Variants in ARL8B observed in about 807,000 individuals in gnomAD.
ARL8B encodes ADP-ribosylation factor-like protein 8B.
Under a neutral mutation model 30.6 loss-of-function variants are expected in ARL8B, and 9 were observed. That is an observed-to-expected ratio of 0.29 (90% confidence interval 0.18 to 0.51). The LOEUF is 0.51. Among genes scored for constraint, ARL8B ranks in the 20% least tolerant of loss-of-function variants. The pLI, the probability that ARL8B is intolerant of heterozygous loss-of-function variation, is 0.97. For synonymous variants in ARL8B, 74 were observed against 76.0 expected, an observed-to-expected ratio of 0.97 and a Z score of 0.14; for missense variants, 130 against 227.2, an observed-to-expected ratio of 0.57 and a Z score of 2.75.
At chr3:5,172,323 C>A in intron 3 of ARL8B, 100 bp downstream of exon 3, 2 of 1,039,120 alleles carry the variant, frequency 1.9e-6, no homozygotes, top group Non-Finnish European at 2.9e-6. Flanking sequence ...TTATCTCAGG[C>A]AGTGAAAATC....
In ARL8B at chr3:5,170,738, G is replaced by GTT. The variant is rs373043551; in HGVS notation, c.204+164_204+165dup. 1.5e-3 allele frequency: 743 copies of GTT among 492,500 alleles called. 1 individual carries two copies. The highest frequency in any genetic ancestry group is 2.0e-3 in the Non-Finnish European group (559 of 286,248). 30.5% of individuals were successfully genotyped at this position (492,500 alleles called of 1,614,324 possible). A position where few individuals can be genotyped will look rare whatever the true frequency, so the allele number is the denominator to read the frequency against. On this transcript the variant is annotated intron_variant, in intron 2 of 6. Transcript: ENST00000256496. ...TAGGTTTTTTTGTTGTTGTTTTTTT[G>GTT]TTTTTTTTTTGGAAACAGAGTTTTG... is the stretch of plus-strand genomic sequence containing the variant.
At chr3:5,149,484 C>G (rs1327562538) in intron 1 of ARL8B, among the ~76,000 whole-genome samples, 1 of 152,186 alleles carries the variant, frequency 6.6e-6, no homozygotes, top group African/African-American at 2.4e-5. Context: ...GCAGGCACAC[C>G]TGGGGCAGTT....
intron 1 of ARL8B, among the ~76,000 whole-genome samples, chr3:5,141,328 C>T (rs1648947730): frequency 6.6e-6 from 1 of 152,190 alleles, no homozygotes; most frequent in South Asian, 2.1e-4. Context: ...TCATTTTCAT[C>T]TAAACCCTTT....
chr3:5,147,265 C>G (rs1009728515), intron 1 of ARL8B, among the ~76,000 whole-genome samples: 1 of 152,080 alleles, frequency 6.6e-6, no homozygotes, highest in Admixed American at 6.6e-5. Context: ...TGAGAACATG[C>G]AGTGTTTAGT....
intron 4 of ARL8B, among the ~76,000 whole-genome samples, chr3:5,173,345 A>G (rs2054693622): frequency 6.6e-6 from 1 of 152,210 alleles, no homozygotes; most frequent in Non-Finnish European, 1.5e-5. Flanking sequence ...GGAATGCTCA[A>G]CCAGTAAGTA....
At chr3:5,132,364 C>CCTGCCT (rs1229566677) in intron 1 of ARL8B, among the ~76,000 whole-genome samples, 20 of 152,022 alleles carry the variant, frequency 1.3e-4, no homozygotes, top group Non-Finnish European at 2.5e-4. Context: ...AAGTGATTCT[C>CCTGCCT]CTGCCTCAGC....
chr3:5,162,656 A>G (rs1381814145), intron 1 of ARL8B, among the ~76,000 whole-genome samples: 1 of 152,240 alleles, frequency 6.6e-6, no homozygotes, highest in Non-Finnish European at 1.5e-5. Context: ...ACGCTACTTA[A>G]TTCACTGTGA....
At chr3:5,170,674 T>G (rs936367301) in intron 2 of ARL8B, 91 bp downstream of exon 2, 1 of 1,021,990 alleles carries the variant, frequency 9.8e-7, no homozygotes, top group African/African-American at 1.7e-5. Context: ...ACTGAAAATT[T>G]GCAGTTTTTC....
At chr3:5,148,071 TC>T (rs1039805082) in intron 1 of ARL8B, among the ~76,000 whole-genome samples, 1 of 151,932 alleles carries the variant, frequency 6.6e-6, no homozygotes, top group Non-Finnish European at 1.5e-5. Context: ...GTGTTGCCTC[TC>T]CCAGATGGTC....
chr3:5,128,760 A>G (rs1047422778), intron 1 of ARL8B, among the ~76,000 whole-genome samples: 3 of 152,200 alleles, frequency 2.0e-5, no homozygotes, highest in East Asian at 1.9e-4. Flanking sequence ...ACTTATTTCT[A>G]CCATCCAAGA....
At chr3:5,153,693 A>G (rs1311433348) in intron 1 of ARL8B, among the ~76,000 whole-genome samples, 3 of 152,166 alleles carry the variant, frequency 2.0e-5, no homozygotes, top group Non-Finnish European at 4.4e-5. Context: ...AGAAGAGTTT[A>G]TTATATTTAC....
At chr3:5,127,927 C>T (rs552132902) in intron 1 of ARL8B, among the ~76,000 whole-genome samples, 4 of 134,836 alleles carry the variant, frequency 3.0e-5, no homozygotes, top group Admixed American at 7.9e-5. Context: ...CAATGGCTTA[C>T]GCCTGTAATC....
intron 1 of ARL8B, among the ~76,000 whole-genome samples, chr3:5,139,548 G>A (rs1436863385): frequency 6.6e-6 from 1 of 152,110 alleles, no homozygotes; most frequent in African/African-American, 2.4e-5. Flanking sequence ...GTGTCATTAG[G>A]AGCCTTGCAG....
intron 1 of ARL8B, among the ~76,000 whole-genome samples, chr3:5,147,433 C>T (rs2054430119): frequency 6.6e-6 from 1 of 152,118 alleles, no homozygotes; most frequent in Admixed American, 6.5e-5. Flanking sequence ...GGTTCCAAGT[C>T]TTTGCTATTG....
Position 5,174,007 on chromosome 3 carries a change from C to T in ARL8B, c.373-10C>T. On this transcript the variant is annotated splice_polypyrimidine_tract_variant and intron_variant, in intron 4 of 6. Coordinates refer to ENST00000256496, the MANE Select transcript of ARL8B (RefSeq NM_018184.3). The stretch of plus-strand genomic sequence containing the variant: ...TAAACGTGTGCTCTTAATATCTTTT[C>T]TTTTTAAAGGTGCTAGTGCTTGGAA... The T allele has an allele frequency of 6.2e-7, 1 of 1,603,186 alleles. No individual in the cohort carries two copies. The highest frequency in any genetic ancestry group is 1.1e-5 in the South Asian group (1 of 90,606).
chr3:5,170,868 T>C (rs552888228), intron 2 of ARL8B: 13 of 244,764 alleles, frequency 5.3e-5, no homozygotes, highest in African/African-American at 1.4e-4. Context: ...ATAGCTAAGA[T>C]GACAGGCTTG....
intron 1 of ARL8B, among the ~76,000 whole-genome samples, chr3:5,125,323 T>C (rs925650749): frequency 1.5e-4 from 23 of 152,206 alleles, no homozygotes; most frequent in Non-Finnish European, 2.6e-4. Flanking sequence ...GCTTGAAAAA[T>C]ACTGAGAAGG....
rs11919165 is a variant in ARL8B at position 5,127,018 on chromosome 3, C to T, written c.123+4430C>T. ...TCTACACTTTTGCACATTGTTGATA[C>T]CTGAAAGGTTAATCCAAGGGAAAGT... is the stretch of plus-strand genomic sequence containing the variant. On this transcript the variant is annotated intron_variant, in intron 1 of 6. Coordinates refer to ENST00000256496, the MANE Select transcript of ARL8B (RefSeq NM_018184.3). 5.3e-3 allele frequency among the ~76,000 whole-genome samples: 810 copies of T among 152,110 alleles called. 7 individuals are homozygous for T. Among genetic ancestry groups the T allele is most frequent in the African/African-American group, 0.018 (753 of 41,500 alleles).
chr3:5,124,179 ATAT>A (rs761610970), intron 1 of ARL8B, among the ~76,000 whole-genome samples: 11 of 151,592 alleles, frequency 7.3e-5, no homozygotes, highest in South Asian at 2.1e-4. Context: ...TCCTATTGTA[ATAT>A]TATGATTTTT....
Sources: allele counts gnomAD v4.1 joint callset (sites outside exome capture counted in the v4.1 genomes callset), GRCh38; gene constraint gnomAD v4.1.1; transcripts MANE v1.5; gene names NCBI Gene and HGNC (gene_info 2026-07-23, HGNC 2026-07-21).